The following IFT88 variants were observed in gnomAD, a reference collection of about 807,000 sequenced individuals.
IFT88 encodes intraflagellar transport protein 88 homolog.
A neutral mutation model predicts 119.5 loss-of-function variants in IFT88; 74 were observed. The observed-to-expected ratio is 0.62, with a 90% CI of 0.51 to 0.75. The LOEUF is 0.75. Among genes scored for constraint, IFT88 ranks in the 30% least tolerant of loss-of-function variants. IFT88 has a pLI of 0.00. For synonymous variants in IFT88, 279 were observed against 316.7 expected (o/e 0.88, Z 1.26); for missense variants, 961 against 977.7 (o/e 0.98, Z 0.23).
intron 17 of IFT88, among the ~76,000 whole-genome samples, chr13:20,639,708 C>T (rs1205809242): frequency 6.6e-6 from 1 of 151,882 alleles, no homozygotes; most frequent in Non-Finnish European, 1.5e-5. Flanking sequence ...TTCTCCTTTC[C>T]CAATTGCTTC....
chr13:20,682,556 G>A (rs1032584801), intron 24 of IFT88, among the ~76,000 whole-genome samples: 1 of 152,186 alleles, frequency 6.6e-6, no homozygotes, highest in Non-Finnish European at 1.5e-5. Flanking sequence ...GTTACTTTCT[G>A]TGGCACTACT....
At chr13:20,590,724 A>G (rs2040522556) in intron 4 of IFT88, among the ~76,000 whole-genome samples, 1 of 152,168 alleles carries the variant, frequency 6.6e-6, no homozygotes, top group African/African-American at 2.4e-5. Context: ...GCCACAGGCA[A>G]TGTGCAAAGG....
intron 21 of IFT88, among the ~76,000 whole-genome samples, chr13:20,655,904 A>G (rs1002758047): frequency 2.6e-5 from 4 of 152,214 alleles, no homozygotes; most frequent in African/African-American, 9.6e-5. Context: ...CATCTGGAAT[A>G]ATCTTTTTTA....
chr13:20,621,526 T>TA (rs200491393), intron 14 of IFT88, among the ~76,000 whole-genome samples: 2,040 of 130,052 alleles, frequency 0.016, 70 homozygotes, highest in Non-Finnish European at 0.024. Context: ...CCTGCTGAGA[T>TA]AAAAAAAAAA....
chr13:20,687,022 CAAAAAAAAAAA>C (rs370247448), intron 24 of IFT88, among the ~76,000 whole-genome samples: 3 of 59,834 alleles, frequency 5.0e-5, no homozygotes, highest in Non-Finnish European at 1.1e-4. Context: ...ACTTTCTTAC[CAAAAAAAAAAA>C]AAAAAAAAAA....
In IFT88 at chr13:20,656,340, A is replaced by G. The variant is rs759345067; in HGVS notation, c.2003-25A>G. 4.3e-5 allele frequency: 46 copies of G among 1,061,662 alleles called. No individual in the cohort carries two copies. The South Asian group carries it at 4.5e-4, about 10-fold the overall frequency. The allele number at this position is 1,061,662 out of a possible 1,614,324, so 65.8% of individuals were successfully genotyped here. A position where few individuals can be genotyped will look rare whatever the true frequency, so the allele number is the denominator to read the frequency against. On this transcript the variant is annotated intron_variant, in intron 21 of 25. Transcript: ENST00000351808. Reference sequence around the variant, plus strand: ...CTGTTAGTTTCTATAATTTGCTAATATATTTTTCTCTTGTTTGTTTATAGG... The same window carrying G: ...CTGTTAGTTTCTATAATTTGCTAATGTATTTTTCTCTTGTTTGTTTATAGG...
At chr13:20,650,480 G>T (rs2051461057) in intron 20 of IFT88, among the ~76,000 whole-genome samples, 2 of 152,142 alleles carry the variant, frequency 1.3e-5, no homozygotes, top group South Asian at 4.1e-4. Context: ...ACGTGTTAAA[G>T]TATTGTATGG....
At chr13:20,651,994 T>C (rs1463686864) in intron 20 of IFT88, among the ~76,000 whole-genome samples, 3 of 152,186 alleles carry the variant, frequency 2.0e-5, no homozygotes, top group Non-Finnish European at 4.4e-5. Context: ...AATACTCCAC[T>C]TACATGAAGT....
chr13:20,680,384 T>A (rs763465666), intron 24 of IFT88, among the ~76,000 whole-genome samples: 1 of 152,218 alleles, frequency 6.6e-6, no homozygotes, highest in African/African-American at 2.4e-5. Flanking sequence ...CTAAAAACTT[T>A]CGTTAGTGTA....
chr13:20,610,679 C>CA (rs35089663), intron 13 of IFT88, among the ~76,000 whole-genome samples: 61 of 139,908 alleles, frequency 4.4e-4, no homozygotes, highest in Middle Eastern at 3.7e-3. Flanking sequence ...CAGACAGTAC[C>CA]AAAAAAAAAA....
At chr13:20,676,681 T>C (rs1021125021) in intron 24 of IFT88, among the ~76,000 whole-genome samples, 1 of 152,238 alleles carries the variant, frequency 6.6e-6, no homozygotes, top group African/African-American at 2.4e-5. Flanking sequence ...AAATGTTGGT[T>C]CTTGAAGTTA....
At chr13:20,662,636 ATTG>A (rs1314366503) in intron 22 of IFT88, among the ~76,000 whole-genome samples, 7 of 152,222 alleles carry the variant, frequency 4.6e-5, no homozygotes, top group African/African-American at 1.7e-4. Flanking sequence ...TTGCAGTTGT[ATTG>A]AAGGAAAATA....
At chr13:20,578,294 G>A (rs559216358) in intron 2 of IFT88, among the ~76,000 whole-genome samples, 19 of 149,546 alleles carry the variant, frequency 1.3e-4, no homozygotes, top group East Asian at 1.2e-3. Flanking sequence ...TGATCAGCCC[G>A]CCTCGGCCTC....
intron 6 of IFT88, among the ~76,000 whole-genome samples, chr13:20,592,111 A>G (rs1195853361): frequency 6.6e-6 from 1 of 152,208 alleles, no homozygotes; most frequent in Non-Finnish European, 1.5e-5. Flanking sequence ...TAAGTTTAAC[A>G]CACGTATTAT....
chr13:20,670,900 A>G, intron 23 of IFT88, 73 bp from the exon 24 acceptor site: 1 of 1,311,590 alleles, frequency 7.6e-7, no homozygotes. Flanking sequence ...TAATTTTAAA[A>G]TCCACCTTTA....
At chr13:20,614,403 T>G (rs2045224244) in intron 13 of IFT88, 1 of 152,204 alleles carries the variant, frequency 6.6e-6, no homozygotes, top group South Asian at 2.1e-4. Flanking sequence ...GGAATGAATA[T>G]TGATATACGC....
At chr13:20,570,076 A>G (rs2035997049) in intron 1 of IFT88, among the ~76,000 whole-genome samples, 1 of 151,968 alleles carries the variant, frequency 6.6e-6, no homozygotes, top group Non-Finnish European at 1.5e-5. Context: ...CTGAACAGAC[A>G]TTTCTCCAAA....
chr13:20,588,538 A>T (rs2040122027), intron 3 of IFT88, among the ~76,000 whole-genome samples: 1 of 152,212 alleles, frequency 6.6e-6, no homozygotes, highest in Non-Finnish European at 1.5e-5. Flanking sequence ...TCAGTATGAG[A>T]GACACTAGCC....
chr13:20,586,716 T>C (rs558205838), intron 3 of IFT88, among the ~76,000 whole-genome samples: 5 of 152,172 alleles, frequency 3.3e-5, no homozygotes, highest in Non-Finnish European at 5.9e-5. Flanking sequence ...CAGAGACCCA[T>C]ATCCTTCCTT....
Sources: gnomAD v4.1 joint callset for allele counts (sites outside exome capture counted in the v4.1 genomes callset) on GRCh38, gnomAD v4.1.1 for gene constraint, MANE v1.5 for transcripts, NCBI Gene and HGNC (gene_info 2026-07-23, HGNC 2026-07-21) for gene names.